SFMBT1: variants seen among roughly 807,000 people sequenced by gnomAD.
The protein encoded by SFMBT1 is Scm like with four mbt domains 1.
SFMBT1 carries 32 observed loss-of-function variants against 108.7 expected under a neutral mutation model. That is an observed-to-expected ratio of 0.29 (90% CI 0.22 to 0.40). The LOEUF (loss-of-function observed/expected upper bound fraction) is 0.40, where lower values mean the gene tolerates loss of function less well. SFMBT1 is among the 10% of genes least tolerant of loss of function. SFMBT1 has a pLI of 1.00. For missense variants in SFMBT1, 816 were observed against 1,059.6 expected (o/e 0.77, Z 3.19); for synonymous variants, 348 against 369.5 (o/e 0.94, Z 0.67).
chr3:52,984,630 CATAA>C (rs1461835061), intron 1 of SFMBT1, among the ~76,000 whole-genome samples: 1 of 151,236 alleles, frequency 6.6e-6, no homozygotes, highest in Non-Finnish European at 1.5e-5. Flanking sequence ...TAATCTCAGG[CATAA>C]ATAATCTTTA....
At position 52,930,398 on chromosome 3, in the gene SFMBT1, A is replaced by G; in HGVS notation, c.828T>C (p.Ser276=). Reference sequence around the variant, plus strand: ...CTACAGCTTCCAATTTCATGTTTACAGAGAATGTATGAATGCCAATAACTT... The same window carrying G: ...CTACAGCTTCCAATTTCATGTTTACGGAGAATGTATGAATGCCAATAACTT... ...DKQVIGIHTF[S]VNMKLEAVDP... The change falls in exon 8 of 21, where the codon TCT becomes TCC. Residue 276 remains serine, a synonymous_variant. Transcript: ENST00000394752. The G allele has an allele frequency of 6.2e-7, 1 of 1,613,300 alleles. No individual in the cohort carries two copies. The highest frequency in any genetic ancestry group is 1.7e-4 in the Middle Eastern group (1 of 6,058).
At chr3:52,995,536 A>G (rs1698293673) in intron 1 of SFMBT1, among the ~76,000 whole-genome samples, 2 of 149,968 alleles carry the variant, frequency 1.3e-5, no homozygotes, top group African/African-American at 4.8e-5. Flanking sequence ...GACTACAGGC[A>G]TATGCCACCA....
chr3:52,931,169 C>T (rs989255767), intron 6 of SFMBT1, 134 bp from the exon 7 acceptor site: 6 of 702,468 alleles, frequency 8.5e-6, no homozygotes, highest in Middle Eastern at 3.8e-4. Flanking sequence ...CACTTATATC[C>T]CTTTACATTC....
At chr3:52,921,531 T>C (rs1702519019) in intron 11 of SFMBT1, among the ~76,000 whole-genome samples, 174 bp downstream of exon 11, 1 of 152,266 alleles carries the variant, frequency 6.6e-6, no homozygotes, top group Admixed American at 6.5e-5. Context: ...ATTTGGAATT[T>C]GAAAGCCAAG....
Position 52,916,140 on chromosome 3 carries a change from G to C in SFMBT1, c.1480+10C>G, listed in dbSNP as rs751052052. 8 of 1,611,116 alleles carry C rather than the reference G, an allele frequency of 5.0e-6. No individual in the cohort carries two copies. The South Asian group carries it at 8.8e-5, about 18-fold the overall frequency. On this transcript the variant is annotated intron_variant, in intron 14 of 20. Coordinates refer to ENST00000394752, the MANE Select transcript of SFMBT1 (RefSeq NM_016329.4). Reference sequence around the variant, plus strand: ...AGTCTTCTTTTCCTTAAGATGACATGTGCTTATACCTGACTCTGTGGAGTT... The same window carrying C: ...AGTCTTCTTTTCCTTAAGATGACATCTGCTTATACCTGACTCTGTGGAGTT...
intron 1 of SFMBT1, among the ~76,000 whole-genome samples, chr3:53,009,149 T>C (rs1698857033): frequency 6.6e-6 from 1 of 151,178 alleles, no homozygotes; most frequent in South Asian, 2.1e-4. Context: ...AAACAGGAAG[T>C]GAGAATACCA....
At chr3:52,912,770 T>A in intron 15 of SFMBT1, 123 bp from the exon 16 acceptor site, 1 of 687,350 alleles carries the variant, frequency 1.5e-6, no homozygotes, top group Non-Finnish European at 2.5e-6. Flanking sequence ...TCATATGAAT[T>A]AACAAATGTT....
intron 1 of SFMBT1, among the ~76,000 whole-genome samples, chr3:53,020,047 G>A (rs1395713392): frequency 6.6e-6 from 1 of 151,792 alleles, no homozygotes; most frequent in East Asian, 1.9e-4. Flanking sequence ...CCACAGCTTA[G>A]TCTAAAACCA....
At chr3:52,936,333 C>A (rs1441858643) in intron 4 of SFMBT1, among the ~76,000 whole-genome samples, 1 of 152,132 alleles carries the variant, frequency 6.6e-6, no homozygotes, top group African/African-American at 2.4e-5. Context: ...ACTTGATTGT[C>A]TTTACTCTTT....
At chr3:52,946,304 A>C (rs1221277543) in intron 3 of SFMBT1, among the ~76,000 whole-genome samples, 1 of 152,272 alleles carries the variant, frequency 6.6e-6, no homozygotes, top group Non-Finnish European at 1.5e-5. Context: ...AATCCTGGAG[A>C]CAGCCAGAGA....
intron 1 of SFMBT1, among the ~76,000 whole-genome samples, chr3:52,981,568 G>A (rs1397865833): frequency 3.5e-5 from 5 of 144,734 alleles, no homozygotes; most frequent in East Asian, 2.1e-4. Context: ...CTGCAGAGAC[G>A]AGGTCTCACT....
Position 52,921,898 on chromosome 3 carries a change from A to G in SFMBT1, c.1132-67T>C. ...AGTATTAACTCACGTGCTCAGCTAGAAAACCTTTTTCAAGTAGTACTTAAT... is the reference window on the plus strand; with the variant it reads ...AGTATTAACTCACGTGCTCAGCTAGGAAACCTTTTTCAAGTAGTACTTAAT... On this transcript the variant is annotated intron_variant, in intron 10 of 20. Transcript: ENST00000394752. 3.9e-6 allele frequency: 6 copies of G among 1,541,792 alleles called. No individual in the cohort carries two copies. In the South Asian group the frequency reaches 6.8e-5, roughly 17 times the overall value.
chr3:52,952,894 G>GCC (rs1235349503), intron 3 of SFMBT1, among the ~76,000 whole-genome samples: 1 of 152,184 alleles, frequency 6.6e-6, no homozygotes, highest in Non-Finnish European at 1.5e-5. Flanking sequence ...CTTCCTTTAA[G>GCC]AAGAGACACC....
At chr3:52,995,168 A>G (rs1698280090) in intron 1 of SFMBT1, among the ~76,000 whole-genome samples, 2 of 149,740 alleles carry the variant, frequency 1.3e-5, no homozygotes, top group Admixed American at 6.7e-5. Flanking sequence ...AAAAGATCCA[A>G]AGATGCCAAA....
At chr3:52,991,311 T>C (rs1705114580) in intron 1 of SFMBT1, among the ~76,000 whole-genome samples, 1 of 148,786 alleles carries the variant, frequency 6.7e-6, no homozygotes, top group African/African-American at 2.4e-5. Context: ...TTGAATGTTG[T>C]GTCCCACCCA....
chr3:53,006,378 C>T (rs1259779912), intron 1 of SFMBT1, among the ~76,000 whole-genome samples: 1 of 152,148 alleles, frequency 6.6e-6, no homozygotes, highest in South Asian at 2.1e-4. Context: ...CGCCTGTAAT[C>T]CCAGCACTTT....
At position 52,962,978 on chromosome 3, in the gene SFMBT1, GTTATTTTATTTTATT is replaced by G. The variant is rs138529594; in HGVS notation, c.28+6108_28+6122del. ...AAAGAATTAGTAATATCAGGTTGAA[GTTATTTTATTTTATT>G]TTATTTTATTTTATTTTTGAGATGG... On this transcript the variant is annotated intron_variant, in intron 2 of 20. Transcript: ENST00000394752. 1.3e-3 allele frequency among the ~76,000 whole-genome samples: 189 copies of G among 150,422 alleles called. 1 individual carries two copies. Among genetic ancestry groups the G allele is most frequent in the African/African-American group, 4.5e-3 (183 of 40,996 alleles).
chr3:52,906,144 C>A lies in SFMBT1; in HGVS notation c.2429G>T (p.Cys810Phe). The change falls in exon 20 of 21, where the codon TGT becomes TTT. Residue 810 changes from cysteine to phenylalanine, a missense_variant. Around this residue, in one of 5 missense-constraint regions of SFMBT1, gnomAD observed 49 missense variants for 91.8 expected, o/e 0.53. Coordinates refer to ENST00000394752, the MANE Select transcript of SFMBT1 (RefSeq NM_016329.4). The part of the protein sequence containing the change: ...DVVRFIRSTD[C>F]APLARIFLDQ... Reference sequence around the variant, plus strand: ...TAGGAATATTCTTGCTAATGGAGCACAGTCAGTGGATCTGATGAACCGCAC... The same window carrying A: ...TAGGAATATTCTTGCTAATGGAGCAAAGTCAGTGGATCTGATGAACCGCAC... The A allele has an allele frequency of 6.2e-7, 1 of 1,614,104 alleles. No individual in the cohort carries two copies.
intron 1 of SFMBT1, among the ~76,000 whole-genome samples, chr3:53,000,141 C>T (rs1698493347): frequency 2.0e-5 from 3 of 150,210 alleles, no homozygotes; most frequent in Admixed American, 6.7e-5. Context: ...GGATTACAGG[C>T]GTGAGCCACC....
Sources: gnomAD v4.1 joint callset for allele counts (sites outside exome capture counted in the v4.1 genomes callset) on GRCh38, gnomAD v4.1.1 for gene constraint, gnomAD v4.1.1 regional missense constraint, MANE v1.5 for transcripts, NCBI Gene and HGNC (gene_info 2026-07-23, HGNC 2026-07-21) for gene names.